Variants in PTPN2 observed in about 807,000 individuals in gnomAD.
PTPN2 encodes the protein protein tyrosine phosphatase non-receptor type 2.
PTPN2 carries 19 observed loss-of-function variants against 57.3 expected under a neutral mutation model. That is an observed-to-expected ratio of 0.33 (90% CI 0.23 to 0.49). PTPN2 has a LOEUF of 0.49. Ranked by LOEUF, PTPN2 falls within the 20% of genes least tolerant of loss-of-function variation. The probability of loss-of-function intolerance (pLI) is 0.99; values close to 1 mark genes in which losing one functional copy is unlikely to be tolerated. For synonymous variants in PTPN2, 153 were observed against 164.9 expected (o/e 0.93, Z 0.55); for missense variants, 358 against 501.1 (o/e 0.71, Z 2.73).
At chr18:12,830,862 A>G in intron 4 of PTPN2, 81 bp downstream of exon 4, 1 of 1,088,854 alleles carries the variant, frequency 9.2e-7, no homozygotes, top group Admixed American at 2.0e-5. Flanking sequence ...TAAGGAATGA[A>G]TATTGGCCCC....
At chr18:12,798,371 G>A (rs1289938320) in intron 8 of PTPN2, among the ~76,000 whole-genome samples, 1 of 152,052 alleles carries the variant, frequency 6.6e-6, no homozygotes, top group Non-Finnish European at 1.5e-5. Context: ...ATTAAGCCTA[G>A]TACCCATTAG....
intron 2 of PTPN2, among the ~76,000 whole-genome samples, chr18:12,848,072 T>C (rs891081505): frequency 1.3e-4 from 20 of 152,286 alleles, no homozygotes; most frequent in African/African-American, 4.6e-4. Context: ...AGAAAAAATG[T>C]TAGCAAATAT....
intron 2 of PTPN2, among the ~76,000 whole-genome samples, chr18:12,841,789 G>A (rs1186270222): frequency 2.0e-5 from 3 of 152,054 alleles, no homozygotes; most frequent in African/African-American, 7.2e-5. Flanking sequence ...CCTGAGAAAT[G>A]TCTTTACAAA....
rs189278263 is a variant in PTPN2 at position 12,818,032 on chromosome 18, C to T, written c.496-667G>A. On this transcript the variant is annotated intron_variant, in intron 5 of 8. Coordinates refer to ENST00000309660, the MANE Select transcript of PTPN2 (RefSeq NM_002828.4). ...TGGCGCGTGCCTGTAATCTCAGCTA[C>T]TTGGGAGGCTGAGGCAGGAGAATTG... Among the ~76,000 whole-genome samples the T allele has an allele frequency of 2.7e-4, 41 of 152,230 alleles. No individual in the cohort carries two copies. The East Asian group carries it at 7.5e-3, about 28-fold the overall frequency.
At chr18:12,839,769 A>G (rs2042984506) in intron 2 of PTPN2, among the ~76,000 whole-genome samples, 1 of 152,206 alleles carries the variant, frequency 6.6e-6, no homozygotes, top group African/African-American at 2.4e-5. Context: ...ACTGTGGTTT[A>G]TAACTTGGAT....
intron 2 of PTPN2, among the ~76,000 whole-genome samples, chr18:12,848,951 A>G (rs1440628497): frequency 6.6e-6 from 1 of 152,178 alleles, no homozygotes; most frequent in African/African-American, 2.4e-5. Flanking sequence ...TATGGCTTTT[A>G]TTTCTCATTC....
At position 12,881,988 on chromosome 18, in the gene PTPN2, A is replaced by C. The variant is rs113682546; in HGVS notation, c.69+2085T>G. The stretch of plus-strand genomic sequence containing the variant: ...GGAACTACAATGAGGCCCCAAAAGA[A>C]TAAGCCCTAGAGTGAGCACCTCGAG... On this transcript the variant is annotated intron_variant, in intron 1 of 8. Transcript: ENST00000309660. Among the ~76,000 whole-genome samples, 814 of 152,326 alleles carry C rather than the reference A, an allele frequency of 5.3e-3. 16 individuals are homozygous for C. In the East Asian group the frequency reaches 0.058, roughly 11 times the overall value.
At chr18:12,874,247 G>A (rs1207768187) in intron 1 of PTPN2, among the ~76,000 whole-genome samples, 3 of 145,738 alleles carry the variant, frequency 2.1e-5, no homozygotes, top group African/African-American at 2.6e-5. Flanking sequence ...GTCCGGGAGG[G>A]AGGTGGGGGG....
intron 5 of PTPN2, 137 bp from the exon 6 acceptor site, chr18:12,817,502 T>A: frequency 1.4e-6 from 1 of 693,834 alleles, no homozygotes. Context: ...ATTTGTTTTC[T>A]GACAATCCCA....
chr18:12,880,929 C>A (rs992937057), intron 1 of PTPN2, among the ~76,000 whole-genome samples: 4 of 152,188 alleles, frequency 2.6e-5, no homozygotes, highest in Admixed American at 1.3e-4. Context: ...GTACCTCAAA[C>A]AGAATTAAAG....
Position 12,879,500 on chromosome 18 carries a change from GT to G in PTPN2, c.69+4572del, listed in dbSNP as rs531984146. Among the ~76,000 whole-genome samples, 76 of 152,284 alleles carry G rather than the reference GT, an allele frequency of 5.0e-4. 1 individual carries two copies. The highest frequency in any genetic ancestry group is 1.8e-3 in the African/African-American group (75 of 41,538). On this transcript the variant is annotated intron_variant, in intron 1 of 8. Coordinates refer to ENST00000309660, the MANE Select transcript of PTPN2 (RefSeq NM_002828.4). The stretch of plus-strand genomic sequence containing the variant: ...TCATTCATTCAGCACATATTTTCAA[GT>G]GCTTACTAAGCACCTGATACTGTGC...
Position 12,792,819 on chromosome 18 carries a change from G to A in PTPN2, c.*1459C>T, listed in dbSNP as rs1220491021. 2.7e-6 allele frequency: 2 copies of A among 734,102 alleles called. No individual in the cohort carries two copies. Among genetic ancestry groups the A allele is most frequent in the African/African-American group, 1.9e-5 (1 of 51,896 alleles). The allele number at this position is 734,102 out of a possible 1,614,324, so 45.5% of individuals were successfully genotyped here. A position where few individuals can be genotyped will look rare whatever the true frequency, so the allele number is the denominator to read the frequency against. Reference sequence around the variant, plus strand: ...TTGGCCAGGCTGGTCTTGAACTCCTGACCTCAGGTGATCTGCCCACTTCAG... The same window carrying A: ...TTGGCCAGGCTGGTCTTGAACTCCTAACCTCAGGTGATCTGCCCACTTCAG... On this transcript the variant is annotated 3_prime_UTR_variant, in exon 9 of 9. Coordinates refer to ENST00000309660, the MANE Select transcript of PTPN2 (RefSeq NM_002828.4).
At chr18:12,835,994 G>A (rs2145395149) in intron 3 of PTPN2, among the ~76,000 whole-genome samples, 1 of 152,184 alleles carries the variant, frequency 6.6e-6, no homozygotes, top group African/African-American at 2.4e-5. Flanking sequence ...ATAGCTCATA[G>A]TTACATTAAT....
chr18:12,803,337 T>C (rs2041498345), intron 7 of PTPN2, among the ~76,000 whole-genome samples: 1 of 151,682 alleles, frequency 6.6e-6, no homozygotes, highest in Admixed American at 6.6e-5. Flanking sequence ...ATAAAGAATA[T>C]GAAAAGCAAA....
intron 8 of PTPN2, among the ~76,000 whole-genome samples, chr18:12,796,424 A>C (rs571525732): frequency 6.6e-6 from 1 of 152,330 alleles, no homozygotes; most frequent in East Asian, 1.9e-4. Flanking sequence ...TATATGGTGA[A>C]TCTTTCAGAC....
intron 5 of PTPN2, among the ~76,000 whole-genome samples, chr18:12,819,824 G>A (rs2042212199): frequency 6.7e-6 from 1 of 149,732 alleles, no homozygotes; most frequent in Non-Finnish European, 1.5e-5. Flanking sequence ...GGGGGGTGGG[G>A]GGGATACAGT....
rs1205083676 is a variant in PTPN2 at position 12,884,167 on chromosome 18, C to G, written c.-26G>C. The G allele has an allele frequency of 5.1e-6, 8 of 1,562,104 alleles. No homozygotes were observed. The highest frequency in any genetic ancestry group is 2.4e-5 in the East Asian group (1 of 40,904). On this transcript the variant is annotated 5_prime_UTR_variant, in exon 1 of 9. Coordinates refer to ENST00000309660, the MANE Select transcript of PTPN2 (RefSeq NM_002828.4). ...GGCTGCGGGAGCGAGCTGGCGCGAG[C>G]AGAGCCTGCGCCGGCGGAGAGGCTC... is the stretch of plus-strand genomic sequence containing the variant.
At chr18:12,785,637 C>T (rs1445111226) in exon 10 of PTPN2, 1 of 646,718 alleles carries the variant, frequency 1.5e-6, no homozygotes, top group African/African-American at 1.9e-5. Context: ...AAAGGTTCTG[C>T]AAAGTCTTCT....
intron 1 of PTPN2, among the ~76,000 whole-genome samples, chr18:12,873,121 T>C (rs2044324559): frequency 6.6e-6 from 1 of 151,472 alleles, no homozygotes; most frequent in Admixed American, 6.6e-5. Flanking sequence ...CTTGGGAGGC[T>C]GAGGCAGGAG....
Sources: allele counts gnomAD v4.1 joint callset (sites outside exome capture counted in the v4.1 genomes callset), GRCh38; gene constraint gnomAD v4.1.1; transcripts MANE v1.5; gene names NCBI Gene and HGNC (gene_info 2026-07-23, HGNC 2026-07-21).